The following CDC5L variants were observed in gnomAD, a reference collection of about 807,000 sequenced individuals.
CDC5L encodes the protein cell division cycle 5-like protein.
In CDC5L, 18 loss-of-function variants were observed where a neutral mutation model predicts 104.1. That is an observed-to-expected ratio of 0.17 (90% CI 0.12 to 0.26). CDC5L has a LOEUF of 0.26. Ranked by LOEUF, CDC5L falls within the 10% of genes least tolerant of loss-of-function variation. The pLI is 1.00. For missense variants in CDC5L, 673 were observed against 956.9 expected, an observed-to-expected ratio of 0.70 and a Z score of 3.91; for synonymous variants, 331 against 322.7, an observed-to-expected ratio of 1.03 and a Z score of -0.28.
At chr6:44,394,648 G>A (rs934534750) in intron 4 of CDC5L, among the ~76,000 whole-genome samples, 7 of 134,180 alleles carry the variant, frequency 5.2e-5, no homozygotes, top group African/African-American at 1.9e-4. Flanking sequence ...TTGAGCCCAG[G>A]AGTTCAAGAT....
intron 8 of CDC5L, among the ~76,000 whole-genome samples, chr6:44,413,389 A>G (rs1791746212): frequency 6.6e-6 from 1 of 152,104 alleles, no homozygotes. Flanking sequence ...TTATCCACTT[A>G]TCAGCTGATA....
In CDC5L at chr6:44,449,100, A is replaced by T. The variant is rs1793557434; in HGVS notation, c.*2389A>T. The T allele has an allele frequency of 6.6e-6, 1 of 152,252 alleles. No homozygotes were observed. The allele number at this position is 152,252 out of a possible 1,614,324, so 9.4% of individuals were successfully genotyped here. A position where few individuals can be genotyped will look rare whatever the true frequency, so the allele number is the denominator to read the frequency against. On this transcript the variant is annotated 3_prime_UTR_variant, in exon 16 of 16. Transcript: ENST00000371477. ...TTTGCACTTTTTGTAGACTTGAATT[A>T]TATGGATTTAAAAGTTGATCTAATA...
intron 11 of CDC5L, among the ~76,000 whole-genome samples, chr6:44,425,788 A>ACTT (rs1491308222): frequency 1.3e-5 from 2 of 152,118 alleles, no homozygotes; most frequent in Admixed American, 6.6e-5. Flanking sequence ...AAGGGAAGAA[A>ACTT]GAGTTTTGTC....
At chr6:44,425,532 G>T (rs1474515046) in intron 11 of CDC5L, among the ~76,000 whole-genome samples, 1 of 125,824 alleles carries the variant, frequency 7.9e-6, no homozygotes, top group East Asian at 1.0e-3. Flanking sequence ...TTGAATCTCA[G>T]GGGATTGGAG....
chr6:44,441,944 T>TC (rs1304114282), intron 14 of CDC5L, among the ~76,000 whole-genome samples: 21 of 138,622 alleles, frequency 1.5e-4, no homozygotes, highest in Admixed American at 4.2e-4. Context: ...TTTTTTTTTT[T>TC]TTTTTTTTTT....
At chr6:44,415,543 C>T (rs925953190) in intron 8 of CDC5L, among the ~76,000 whole-genome samples, 1 of 152,124 alleles carries the variant, frequency 6.6e-6, no homozygotes, top group African/African-American at 2.4e-5. Flanking sequence ...TTTTTGTCCT[C>T]CCCCATGTCA....
At chr6:44,445,593 C>A in intron 14 of CDC5L, 62 bp from the exon 15 acceptor site, 2 of 1,198,844 alleles carry the variant, frequency 1.7e-6, no homozygotes, top group Non-Finnish European at 2.4e-6. Flanking sequence ...ACCTTTTTAG[C>A]CCTGTTATTT....
chr6:44,436,796 T>A (rs1431800627), intron 14 of CDC5L, among the ~76,000 whole-genome samples: 1 of 152,218 alleles, frequency 6.6e-6, no homozygotes, highest in Admixed American at 6.5e-5. Context: ...ATTTGTCAGC[T>A]TGGCCTTCCT....
intron 2 of CDC5L, 36 bp from the exon 3 acceptor site, chr6:44,392,629 GTA>G (rs1322969994): frequency 6.4e-7 from 1 of 1,573,360 alleles, no homozygotes; most frequent in Non-Finnish European, 8.7e-7. Flanking sequence ...TTTATGCCAG[GTA>G]ACTGATTAAT....
intron 8 of CDC5L, among the ~76,000 whole-genome samples, chr6:44,416,222 A>G (rs1479354704): frequency 6.6e-6 from 1 of 152,200 alleles, no homozygotes. Flanking sequence ...TGGGAAAAGC[A>G]GGGCATTAAA....
chr6:44,406,812 C>G lies in CDC5L; in HGVS notation c.903+345C>G, dbSNP rs1791385763. Among the ~76,000 whole-genome samples, 3 of 152,088 alleles carry G rather than the reference C, an allele frequency of 2.0e-5. No individual in the cohort carries two copies. In the South Asian group the frequency reaches 6.2e-4, roughly 32 times the overall value. On this transcript the variant is annotated intron_variant, in intron 7 of 15. Transcript: ENST00000371477. ...CCTGTAATCGCAGCTACTTGGGAGG[C>G]TGAGGCAGGAGAATCACTGGAACCC... is the stretch of plus-strand genomic sequence containing the variant.
At chr6:44,431,044 G>A (rs2153382504) in intron 14 of CDC5L, among the ~76,000 whole-genome samples, 1 of 152,264 alleles carries the variant, frequency 6.6e-6, no homozygotes, top group African/African-American at 2.4e-5. Flanking sequence ...TTTATTTAGG[G>A]TTAAAGCCAG....
chr6:44,429,145 C>T (rs11572032), intron 13 of CDC5L, among the ~76,000 whole-genome samples: 2,623 of 151,822 alleles, frequency 0.017, 77 homozygotes, highest in African/African-American at 0.058. Flanking sequence ...CCTCAGCCTC[C>T]TGAGTAGCTA....
rs73736018 is a variant in CDC5L at position 44,442,766 on chromosome 6, G to A, written c.2092-2889G>A. ...TATTAGAATGTTTGGATATGACAAT[G>A]TATATACCATGCCCTGGCCTGGATA... On this transcript the variant is annotated intron_variant, in intron 14 of 15. Coordinates refer to ENST00000371477, the MANE Select transcript of CDC5L (RefSeq NM_001253.4). Among the ~76,000 whole-genome samples, 1,315 of 152,214 alleles carry A rather than the reference G, an allele frequency of 8.6e-3. 19 individuals are homozygous for A. The highest frequency in any genetic ancestry group is 0.03 in the African/African-American group (1,254 of 41,522).
In CDC5L at chr6:44,408,622, G is replaced by C; in HGVS notation, c.1082G>C (p.Arg361Thr). ...RTPRTPASQD[R>T]ILQEAQNLMA... is the part of the protein sequence containing the mutation. ...CCACGAACACCAGCTTCCCAGGACA[G>C]AATTCTGCAGGTAACGTGTCACGTA... The change falls in exon 8 of 16, where the codon AGA becomes ACA. Residue 361 changes from arginine to threonine, a missense_variant. Arg to Thr is a moderately conservative substitution (Grantham distance 71, BLOSUM62 -1). Around this residue, in one of 4 missense-constraint regions of CDC5L, gnomAD observed 578 missense variants for 737.0 expected, o/e 0.78. Coordinates refer to ENST00000371477, the MANE Select transcript of CDC5L (RefSeq NM_001253.4). 3 of 1,596,076 alleles carry C rather than the reference G, an allele frequency of 1.9e-6. No individual in the cohort carries two copies. The highest frequency in any genetic ancestry group is 2.6e-6 in the Non-Finnish European group (3 of 1,167,256).
chr6:44,417,160 C>T (rs572875077), intron 8 of CDC5L, among the ~76,000 whole-genome samples: 37 of 152,180 alleles, frequency 2.4e-4, no homozygotes, highest in Admixed American at 7.9e-4. Context: ...AAGGAGGACT[C>T]AGCGGTTCTG....
At chr6:44,403,725 A>C (rs1791238766) in intron 5 of CDC5L, 84 bp from the exon 6 acceptor site, 1 of 920,660 alleles carries the variant, frequency 1.1e-6, no homozygotes, top group Non-Finnish European at 1.6e-6. Flanking sequence ...CCAAATAAAT[A>C]GATACTTTTT....
At chr6:44,390,609 C>G (rs549403238) in intron 2 of CDC5L, among the ~76,000 whole-genome samples, 4 of 152,252 alleles carry the variant, frequency 2.6e-5, no homozygotes, top group African/African-American at 9.6e-5. Flanking sequence ...GATAATAATA[C>G]TTGGTCCTGA....
chr6:44,438,048 T>C (rs912348965), intron 14 of CDC5L, among the ~76,000 whole-genome samples: 2 of 152,152 alleles, frequency 1.3e-5, no homozygotes, highest in African/African-American at 4.8e-5. Context: ...CCTCTCAGGC[T>C]TGGGTGATTC....
Sources: allele counts gnomAD v4.1 joint callset (sites outside exome capture counted in the v4.1 genomes callset), GRCh38; gene constraint gnomAD v4.1.1; regional missense constraint gnomAD v4.1.1; transcripts MANE v1.5; gene names NCBI Gene and HGNC (gene_info 2026-07-23, HGNC 2026-07-21).